Variants in BSG observed in about 807,000 individuals in gnomAD.
BSG encodes the protein basigin.
A neutral mutation model predicts 43.1 loss-of-function variants in BSG; 37 were observed. That is an observed-to-expected ratio of 0.86 (90% CI 0.66 to 1.13). The LOEUF (loss-of-function observed/expected upper bound fraction) is 1.13, where lower values mean the gene tolerates loss of function less well. Ranked by LOEUF, BSG falls within the 50% of genes most tolerant of loss-of-function variation. The probability of loss-of-function intolerance (pLI) is 0.00; values close to 1 mark genes in which losing one functional copy is unlikely to be tolerated. For missense variants in BSG, 599 were observed against 554.2 expected, an observed-to-expected ratio of 1.08 and a Z score of -0.81; for synonymous variants, 309 against 238.7, an observed-to-expected ratio of 1.29 and a Z score of -2.72.
At chr19:572,003 T>G (rs906261049), upstream of BSG, 3 of 163,842 alleles carry the variant, frequency 1.8e-5, no homozygotes, top group African/African-American at 7.2e-5. Flanking sequence ...ATTCATTTTC[T>G]GAGATCCAGA....
At chr19:573,794 G>C (rs1185887209) in intron 1 of BSG, among the ~76,000 whole-genome samples, 7 of 152,326 alleles carry the variant, frequency 4.6e-5, no homozygotes, top group African/African-American at 1.4e-4. Context: ...TCGGTTTCCA[G>C]TGCTGTCTTA....
chr19:578,290 C>T (rs1292124326), intron 2 of BSG, 169 bp downstream of exon 2: 22 of 644,874 alleles, frequency 3.4e-5, no homozygotes, highest in Middle Eastern at 4.3e-4. Context: ...GGGGTGGGCT[C>T]GCCGCCTGAC....
At chr19:573,425 A>T (rs746023948) in intron 1 of BSG, among the ~76,000 whole-genome samples, 3 of 152,234 alleles carry the variant, frequency 2.0e-5, no homozygotes, top group Admixed American at 6.5e-5. Context: ...CCAAGAGCAC[A>T]TGGAGGCTCT....
In BSG at chr19:580,477, A is replaced by C; in HGVS notation, c.655+16A>C. 1 of 1,609,632 alleles carries C rather than the reference A, an allele frequency of 6.2e-7. No individual in the cohort carries two copies. The highest frequency in any genetic ancestry group is 8.5e-7 in the Non-Finnish European group (1 of 1,179,748). ...CAGCTCCACGGTGAGTCCTGCAGCC[A>C]GGGGTACCGGGCACCACCGACTGTC... On this transcript the variant is annotated intron_variant, in intron 4 of 8. Coordinates refer to ENST00000333511, the MANE Select transcript of BSG (RefSeq NM_001728.4).
chr19:580,564 G>A (rs954363408), intron 4 of BSG, 82 bp from the exon 5 acceptor site: 77 of 1,604,936 alleles, frequency 4.8e-5, no homozygotes, highest in Non-Finnish European at 6.4e-5. Context: ...CTGCTCCCTG[G>A]AGGGGAACAG....
chr19:574,852 CAGAT>C lies in BSG; in HGVS notation c.67+2154_67+2157del, dbSNP rs28921970. Reference sequence around the variant, plus strand: ...CTGCGGCCAGCTCTCTGGGGAGACACAGATAGGAGCCCATGGGTGAGGTGAGCGC... The same window carrying C: ...CTGCGGCCAGCTCTCTGGGGAGACACAGGAGCCCATGGGTGAGGTGAGCGC... On this transcript the variant is annotated intron_variant, in intron 1 of 8. Transcript: ENST00000333511. Among the ~76,000 whole-genome samples the C allele has an allele frequency of 7.6e-3, 1,159 of 152,308 alleles. 15 individuals carry two copies. The highest frequency in any genetic ancestry group is 0.027 in the African/African-American group (1,129 of 41,550).
upstream of BSG, chr19:572,583 G>T (rs1035284998): frequency 3.7e-5 from 53 of 1,437,418 alleles, no homozygotes; most frequent in Non-Finnish European, 4.7e-5. Context: ...TAGCGGCCGC[G>T]GGCGGCGGCG....
chr19:574,574 T>G (rs995569879), intron 1 of BSG, among the ~76,000 whole-genome samples: 2 of 151,316 alleles, frequency 1.3e-5, no homozygotes, highest in South Asian at 2.1e-4. Context: ...AAAAAAAAAT[T>G]TATTGTGACC....
intron 6 of BSG, 83 bp downstream of exon 6, chr19:581,674 C>T (rs1054188460): frequency 9.2e-5 from 134 of 1,452,244 alleles, no homozygotes; most frequent in Middle Eastern, 2.5e-4. Flanking sequence ...CCAGCCCCAC[C>T]GCTGACCCAG....
At chr19:574,253 T>TAA (rs11420107) in intron 1 of BSG, among the ~76,000 whole-genome samples, 4,382 of 126,962 alleles carry the variant, frequency 0.035, 257 homozygotes, top group African/African-American at 0.12. Context: ...ACTCTGTCTT[T>TAA]AAAAAAAAAA....
chr19:580,564 G>C, intron 4 of BSG, 82 bp from the exon 5 acceptor site: 1 of 1,605,054 alleles, frequency 6.2e-7, no homozygotes, highest in Non-Finnish European at 8.5e-7. Context: ...CTGCTCCCTG[G>C]AGGGGAACAG....
At chr19:580,298 G>A (rs554979181) in intron 3 of BSG, 81 bp from the exon 4 acceptor site, 3 of 1,327,506 alleles carry the variant, frequency 2.3e-6, no homozygotes, top group South Asian at 2.5e-5. Flanking sequence ...CTGTGCCGTG[G>A]TTGGGCCCCT....
In BSG at chr19:577,913, G is replaced by A. The variant is rs1266018819; in HGVS notation, c.207G>A (p.Gln69=). Residue 69 remains glutamine, a synonymous_variant, in exon 2 of 9, where the codon CAG becomes CAA. Transcript: ENST00000333511. ...EGQGPNDTCS[Q]LWDGARLDRV... ...AGGGTCCCAACGACACCTGCTCCCAGCTCTGGGACGGCGCCCGGCTGGACC... is the reference window on the plus strand; with the variant it reads ...AGGGTCCCAACGACACCTGCTCCCAACTCTGGGACGGCGCCCGGCTGGACC... The A allele has an allele frequency of 1.2e-6, 2 of 1,601,200 alleles. No individual in the cohort carries two copies. The highest frequency in any genetic ancestry group is 2.2e-5 in the East Asian group (1 of 44,538).
intron 2 of BSG, 147 bp from the exon 3 acceptor site, chr19:579,353 C>T: frequency 8.9e-7 from 1 of 1,123,536 alleles, no homozygotes; most frequent in Non-Finnish European, 1.3e-6. Context: ...CCTTGGGCCT[C>T]CGGTCCTCGG....
In BSG at chr19:577,764, C is replaced by A; in HGVS notation, c.68-10C>A. The A allele has an allele frequency of 1.4e-6, 2 of 1,399,982 alleles. No individual in the cohort carries two copies. The highest frequency in any genetic ancestry group is 1.9e-6 in the Non-Finnish European group (2 of 1,076,264). 86.7% of individuals were successfully genotyped at this position (1,399,982 alleles called of 1,614,324 possible). ...GCACTAACAAGACCCCACGCGTGCTCTCCCCACAGCCGGCTTCGTCCAGGC... is the reference window on the plus strand; with the variant it reads ...GCACTAACAAGACCCCACGCGTGCTATCCCCACAGCCGGCTTCGTCCAGGC... On this transcript the variant is annotated splice_polypyrimidine_tract_variant and intron_variant, in intron 1 of 8. Transcript: ENST00000333511.
chr19:579,359 C>T (rs1982070561), intron 2 of BSG, 141 bp from the exon 3 acceptor site: 1 of 1,187,480 alleles, frequency 8.4e-7, no homozygotes, highest in South Asian at 1.3e-5. Flanking sequence ...GCCTCCGGTC[C>T]TCGGGGCGTA....
intron 1 of BSG, among the ~76,000 whole-genome samples, chr19:573,072 C>T (rs1354510919): frequency 6.6e-6 from 1 of 152,140 alleles, no homozygotes; most frequent in Non-Finnish European, 1.5e-5. Flanking sequence ...TGGGGGTGAC[C>T]TGCTTCCTGG....
chr19:578,559 G>A (rs1981990184), intron 2 of BSG, among the ~76,000 whole-genome samples: 1 of 152,250 alleles, frequency 6.6e-6, no homozygotes. Flanking sequence ...ATTCCTAGCG[G>A]GAATATTGTA....
In BSG at chr19:572,629, G is replaced by T. The variant is rs376295294; in HGVS notation, c.-6G>T. 2.8e-5 allele frequency: 42 copies of T among 1,501,924 alleles called. No homozygotes were observed. Among genetic ancestry groups the T allele is most frequent in the Admixed American group, 4.4e-5 (2 of 45,476 alleles). The allele number at this position is 1,501,924 out of a possible 1,614,324, so 93.0% of individuals were successfully genotyped here. A position where few individuals can be genotyped will look rare whatever the true frequency, so the allele number is the denominator to read the frequency against. On this transcript the variant is annotated 5_prime_UTR_variant, in exon 1 of 9. It adds an upstream start codon to the 5' untranslated region. Transcript: ENST00000333511. ...GAGGTTGTAGGACCGGCGAGGAATA[G>T]GAATCATGGCGGCTGCGCTGTTCGT...
Sources: allele counts gnomAD v4.1 joint callset (sites outside exome capture counted in the v4.1 genomes callset), GRCh38; gene constraint gnomAD v4.1.1; transcripts MANE v1.5; gene names NCBI Gene and HGNC (gene_info 2026-07-23, HGNC 2026-07-21).